The following RALGAPA1 variants were observed in gnomAD, a reference collection of about 807,000 sequenced individuals.
RALGAPA1 encodes ral GTPase-activating protein subunit alpha-1.
RALGAPA1 carries 52 observed loss-of-function variants against 269.6 expected under a neutral mutation model. The observed-to-expected ratio is 0.19, with a 90% CI of 0.15 to 0.24. The LOEUF (loss-of-function observed/expected upper bound fraction) is 0.24, where lower values mean the gene tolerates loss of function less well. Among genes scored for constraint, RALGAPA1 ranks in the 10% least tolerant of loss-of-function variants. RALGAPA1 has a pLI of 1.00. For missense variants in RALGAPA1, 1,917 were observed against 3,013.9 expected (o/e 0.64, Z 8.52); for synonymous variants, 817 against 1,008.3 (o/e 0.81, Z 3.60).
chr14:35,742,407 G>A lies in RALGAPA1; in HGVS notation c.1410C>T (p.Asp470=), dbSNP rs1416978614. 6.2e-7 allele frequency: 1 copy of A among 1,603,372 alleles called. No homozygotes were observed. The highest frequency in any genetic ancestry group is 1.1e-5 in the South Asian group (1 of 90,128). The change falls in exon 11 of 42, where the codon GAC becomes GAT. Residue 470 remains aspartate (D), a synonymous_variant. Transcript: ENST00000680220. ...CTCCTTCTTCCATTGAAATATCATG[G>A]TCTGTGACATTTTCAATGCAAGGGA... ...SDLPCIENVT[D]HDISMEEGEK... is the part of the protein sequence containing the mutation.
chr14:35,550,227 T>G (rs1464293573), intron 39 of RALGAPA1, among the ~76,000 whole-genome samples: 1 of 152,228 alleles, frequency 6.6e-6, no homozygotes, highest in Non-Finnish European at 1.5e-5. Context: ...ACTCACATGC[T>G]GACTTCATGT....
chr14:35,678,037 T>C lies in RALGAPA1; in HGVS notation c.4537A>G (p.Thr1513Ala). 1 of 1,612,670 alleles carries C rather than the reference T, an allele frequency of 6.2e-7. No individual in the cohort carries two copies. ...TGTTCCATGTGATCTATATTCAATG[T>C]AGAAGGGGAAGGAGTCTGTGACCTG... ...GSRSQTPSPS[T>A]LNIDHMEQKD... The change falls in exon 22 of 42, where the codon ACA becomes GCA. Residue 1513 changes from threonine to alanine, a missense_variant. Around this residue, in one of 11 missense-constraint regions of RALGAPA1, gnomAD observed 615 missense variants for 790.0 expected, o/e 0.78. Coordinates refer to ENST00000680220, the MANE Select transcript of RALGAPA1 (RefSeq NM_001346249.2).
chr14:35,790,351 T>C (rs984701283), intron 1 of RALGAPA1, among the ~76,000 whole-genome samples: 6 of 151,936 alleles, frequency 3.9e-5, no homozygotes, highest in African/African-American at 1.5e-4. Context: ...AACAATGATA[T>C]TGGAATGGTG....
At chr14:35,634,966 G>A (rs1389232053) in intron 32 of RALGAPA1, among the ~76,000 whole-genome samples, 1 of 152,114 alleles carries the variant, frequency 6.6e-6, no homozygotes, top group Non-Finnish European at 1.5e-5. Context: ...GAGATCAGGA[G>A]TTCCAGACCA....
chr14:35,604,501 A>G lies in RALGAPA1; in HGVS notation c.7053+1085T>C, dbSNP rs569135432. Among the ~76,000 whole-genome samples the G allele has an allele frequency of 2.6e-5, 4 of 152,100 alleles. No individual in the cohort carries two copies. The East Asian group carries it at 7.7e-4, about 29-fold the overall frequency. ...AATCTATATAAAACACTAAAGGCTG[A>G]CATATCAGACACTGTGAAAGGCACT... is the stretch of plus-strand genomic sequence containing the variant. On this transcript the variant is annotated intron_variant, in intron 36 of 41. Coordinates refer to ENST00000680220, the MANE Select transcript of RALGAPA1 (RefSeq NM_001346249.2).
At chr14:35,666,564 G>A (rs2063956052) in intron 26 of RALGAPA1, among the ~76,000 whole-genome samples, 1 of 152,140 alleles carries the variant, frequency 6.6e-6, no homozygotes, top group Admixed American at 6.6e-5. Flanking sequence ...GAAATGACTT[G>A]TTTTAACCTT....
chr14:35,543,445 C>A (rs2054190267), intron 41 of RALGAPA1, among the ~76,000 whole-genome samples: 1 of 152,058 alleles, frequency 6.6e-6, no homozygotes, highest in African/African-American at 2.4e-5. Context: ...GTGAAAAGCA[C>A]AACATACCAT....
At chr14:35,734,097 T>C (rs918967472) in intron 12 of RALGAPA1, among the ~76,000 whole-genome samples, 5 of 151,914 alleles carry the variant, frequency 3.3e-5, no homozygotes, top group African/African-American at 7.3e-5. Flanking sequence ...CATGGATGGG[T>C]AAAATCAATA....
intron 29 of RALGAPA1, 117 bp from the exon 30 acceptor site, chr14:35,654,594 A>T (rs2063054063): frequency 5.8e-6 from 7 of 1,215,166 alleles, no homozygotes; most frequent in Non-Finnish European, 6.6e-6. Context: ...CTACATTTAT[A>T]GGTGATTAAG....
chr14:35,564,224 CATTAA>C lies in RALGAPA1; in HGVS notation c.7496+6388_7496+6392del, dbSNP rs554652728. 11 of 152,196 alleles carry C rather than the reference CATTAA, an allele frequency of 7.2e-5. No individual in the cohort carries two copies. The South Asian group carries it at 1.0e-3, about 14-fold the overall frequency. The allele number at this position is 152,196 out of a possible 1,614,324, so 9.4% of individuals were successfully genotyped here. A position where few individuals can be genotyped will look rare whatever the true frequency, so the allele number is the denominator to read the frequency against. On this transcript the variant is annotated intron_variant, in intron 39 of 41. Transcript: ENST00000680220. ...TTGGTACTATTATCCTCTTTTTACA[CATTAA>C]ATTAAGGATAACCCATACTTATTGA... is the stretch of plus-strand genomic sequence containing the variant.
Position 35,758,745 on chromosome 14 carries a change from C to G in RALGAPA1, c.548-1837G>C, listed in dbSNP as rs186498928. 7.2e-5 allele frequency among the ~76,000 whole-genome samples: 11 copies of G among 152,008 alleles called. No homozygotes were observed. In the East Asian group the frequency reaches 1.9e-3, roughly 27 times the overall value. ...AATCTGGGCAACATAGCTTTGAGAC[C>G]TTATCTCTTAAAAAAGAGTGATGAA... On this transcript the variant is annotated intron_variant, in intron 6 of 41. Transcript: ENST00000680220.
intron 18 of RALGAPA1, among the ~76,000 whole-genome samples, chr14:35,687,638 T>C (rs2066070836): frequency 6.6e-6 from 1 of 152,214 alleles, no homozygotes; most frequent in Non-Finnish European, 1.5e-5. Flanking sequence ...ATAGTCTATA[T>C]ATGTAAAGTT....
Position 35,775,624 on chromosome 14 carries a change from T to G in RALGAPA1, c.217+11A>C, listed in dbSNP as rs1223937961. On this transcript the variant is annotated intron_variant, in intron 2 of 41. Coordinates refer to ENST00000680220, the MANE Select transcript of RALGAPA1 (RefSeq NM_001346249.2). ...TATTAACATACGCCAAGATATATGT[T>G]AGCATCTTACCTTTCTGTTTAAGAC... The G allele has an allele frequency of 1.3e-6, 2 of 1,564,516 alleles. No homozygotes were observed. The highest frequency in any genetic ancestry group is 4.2e-5 in the Admixed American group (2 of 47,946).
intron 33 of RALGAPA1, among the ~76,000 whole-genome samples, chr14:35,633,157 T>C (rs538132228): frequency 6.6e-6 from 1 of 152,304 alleles, no homozygotes; most frequent in African/African-American, 2.4e-5. Flanking sequence ...TCCTTTGAAA[T>C]AAGCAAACTC....
At chr14:35,678,165 G>A (rs2065121429) in intron 21 of RALGAPA1, 63 bp from the exon 22 acceptor site, 5 of 1,462,266 alleles carry the variant, frequency 3.4e-6, no homozygotes, top group Middle Eastern at 2.4e-4. Context: ...AAGATGTAAT[G>A]CTTAACACCC....
chr14:35,692,203 A>G (rs771067215), intron 17 of RALGAPA1, among the ~76,000 whole-genome samples: 2 of 152,136 alleles, frequency 1.3e-5, no homozygotes, highest in Non-Finnish European at 2.9e-5. Context: ...TAGCTGTTCT[A>G]TAAGAATTCT....
chr14:35,723,399 C>A, intron 14 of RALGAPA1, 135 bp from the exon 15 acceptor site: 1 of 553,316 alleles, frequency 1.8e-6, no homozygotes, highest in Non-Finnish European at 3.2e-6. Context: ...ATAGATAATA[C>A]TACTTGTAAA....
intron 36 of RALGAPA1, among the ~76,000 whole-genome samples, chr14:35,600,831 A>T (rs961661967): frequency 6.6e-6 from 1 of 152,098 alleles, no homozygotes; most frequent in Non-Finnish European, 1.5e-5. Flanking sequence ...GTCTTTTTTT[A>T]AAATTCATTT....
intron 16 of RALGAPA1, among the ~76,000 whole-genome samples, chr14:35,709,359 T>C (rs776361647): frequency 2.0e-5 from 3 of 152,056 alleles, no homozygotes; most frequent in Non-Finnish European, 4.4e-5. Flanking sequence ...ACCTACTATA[T>C]ACCCACAAAA....
Sources: gnomAD v4.1 joint callset for allele counts (sites outside exome capture counted in the v4.1 genomes callset) on GRCh38, gnomAD v4.1.1 for gene constraint, gnomAD v4.1.1 regional missense constraint, MANE v1.5 for transcripts, NCBI Gene and HGNC (gene_info 2026-07-23, HGNC 2026-07-21) for gene names.